The following NDC1 variants were observed in gnomAD, a reference collection of about 807,000 sequenced individuals.
The protein encoded by NDC1 is NDC1 transmembrane nucleoporin.
NDC1 carries 24 observed loss-of-function variants against 89.8 expected under a neutral mutation model. The observed-to-expected ratio is 0.27, with a 90% CI of 0.19 to 0.38. The LOEUF (loss-of-function observed/expected upper bound fraction) is 0.38. NDC1 is among the 10% of genes least tolerant of loss of function. The pLI, the probability that NDC1 is intolerant of heterozygous loss-of-function variation, is 1.00. For missense variants in NDC1, 728 were observed against 797.6 expected, an observed-to-expected ratio of 0.91 and a Z score of 1.05; for synonymous variants, 296 against 284.8, an observed-to-expected ratio of 1.04 and a Z score of -0.39.
intron 4 of NDC1, 36 bp from the exon 5 acceptor site, chr1:53,825,972 C>G: frequency 2.5e-6 from 4 of 1,604,126 alleles, no homozygotes; most frequent in Non-Finnish European, 2.6e-6. Flanking sequence ...ATTCAACAGT[C>G]AGGGACATGT....
At chr1:53,809,532 T>C (rs1648231900) in intron 7 of NDC1, among the ~76,000 whole-genome samples, 163 bp downstream of exon 7, 1 of 152,138 alleles carries the variant, frequency 6.6e-6, no homozygotes, top group Non-Finnish European at 1.5e-5. Context: ...TACCCTTTTA[T>C]ACACCTTTGG....
At chr1:53,799,004 C>T (rs1435572799) in intron 11 of NDC1, among the ~76,000 whole-genome samples, 4 of 152,118 alleles carry the variant, frequency 2.6e-5, no homozygotes, top group African/African-American at 9.7e-5. Context: ...CAAAAACTTA[C>T]AATAATGAAT....
Position 53,807,662 on chromosome 1 carries a change from G to A in NDC1, c.885C>T (p.Ala295=). The change falls in exon 8 of 18, where the codon GCC becomes GCT. Residue 295 remains alanine (A), a synonymous_variant. Coordinates refer to ENST00000371429, the MANE Select transcript of NDC1 (RefSeq NM_018087.5). ...AATATTTTAAAAAACATACCTCTGT[G>A]GCATAGATTTTGAAGAGTATCCATG... is the stretch of plus-strand genomic sequence containing the variant. The part of the protein sequence containing the change: ...YVSWILFKIY[A]TEAHVFPVQP... 7 of 1,603,570 alleles carry A rather than the reference G, an allele frequency of 4.4e-6. No individual in the cohort carries two copies. Among genetic ancestry groups the A allele is most frequent in the Middle Eastern group, 1.7e-4 (1 of 6,024 alleles).
chr1:53,770,801 A>T (rs977602157), intron 17 of NDC1, among the ~76,000 whole-genome samples: 3 of 151,290 alleles, frequency 2.0e-5, no homozygotes, highest in African/African-American at 7.3e-5. Flanking sequence ...ATTTCAGGTG[A>T]GCACCACCAC....
intron 16 of NDC1, among the ~76,000 whole-genome samples, chr1:53,777,988 C>T (rs931236995): frequency 2.0e-5 from 3 of 151,978 alleles, no homozygotes; most frequent in Admixed American, 6.6e-5. Flanking sequence ...TGTGTGCCAC[C>T]GCGCCCGGAG....
chr1:53,835,176 C>T (rs1428513320), intron 2 of NDC1, among the ~76,000 whole-genome samples: 1 of 152,114 alleles, frequency 6.6e-6, no homozygotes. Context: ...ATGACAGGAA[C>T]CATTCTGTAT....
chr1:53,818,596 A>G (rs1648556644), intron 6 of NDC1, among the ~76,000 whole-genome samples: 2 of 152,312 alleles, frequency 1.3e-5, no homozygotes, highest in African/African-American at 4.8e-5. Flanking sequence ...CTCCAGGCTG[A>G]CAACCACCAT....
intron 10 of NDC1, among the ~76,000 whole-genome samples, chr1:53,802,602 C>T (rs529265283): frequency 6.6e-6 from 1 of 152,240 alleles, no homozygotes; most frequent in South Asian, 2.1e-4. Context: ...TCATATGAGC[C>T]CAGCAGTTCG....
At chr1:53,821,299 T>C (rs1648661933) in intron 5 of NDC1, among the ~76,000 whole-genome samples, 1 of 151,824 alleles carries the variant, frequency 6.6e-6, no homozygotes, top group East Asian at 2.0e-4. Context: ...ATATGTAAGA[T>C]AAGGCACGGT....
intron 13 of NDC1, among the ~76,000 whole-genome samples, chr1:53,796,059 T>A (rs1647686363): frequency 6.6e-6 from 1 of 152,134 alleles, no homozygotes; most frequent in Admixed American, 6.6e-5. Flanking sequence ...TGCTCCCAGC[T>A]CTCCCTTCAG....
chr1:53,808,392 A>G (rs1021231024), intron 7 of NDC1, among the ~76,000 whole-genome samples: 9 of 151,702 alleles, frequency 5.9e-5, no homozygotes, highest in Non-Finnish European at 1.2e-4. Flanking sequence ...GCCATTTCTA[A>G]GTGTTGTGAT....
rs1557574755 is a variant in NDC1 at position 53,796,746 on chromosome 1, A to G, written c.1527T>C (p.Gly509=). ...PSPSTSISAE[G]KTMRQPSVIY... is the part of the protein sequence containing the mutation. ...TCACACTGGGTTGTCTCATTGTCTTACCCTCAGCACTAATAGAGGTAGATG... is the reference window on the plus strand; with the variant it reads ...TCACACTGGGTTGTCTCATTGTCTTGCCCTCAGCACTAATAGAGGTAGATG... The change falls in exon 13 of 18, where the codon GGT becomes GGC. Residue 509 remains glycine, a synonymous_variant. Transcript: ENST00000371429. The G allele has an allele frequency of 6.2e-7, 1 of 1,612,016 alleles. No individual in the cohort carries two copies. Among genetic ancestry groups the G allele is most frequent in the Non-Finnish European group, 8.5e-7 (1 of 1,179,436 alleles).
Position 53,816,647 on chromosome 1 carries a change from A to AAC in NDC1, c.703+2323_703+2324insGT, listed in dbSNP as rs1553149893. Among the ~76,000 whole-genome samples the AAC allele has an allele frequency of 8.7e-3, 1,291 of 148,804 alleles. 9 individuals carry two copies. The highest frequency in any genetic ancestry group is 0.027 in the African/African-American group (1,097 of 40,346). On this transcript the variant is annotated intron_variant, in intron 6 of 17. Coordinates refer to ENST00000371429, the MANE Select transcript of NDC1 (RefSeq NM_018087.5). ...CTTTTGCATGGGGAAACAAAAAACA[A>AAC]AAAAAAAAAAAACAGCAAAGTAAGC... is the stretch of plus-strand genomic sequence containing the variant.
chr1:53,832,240 A>G (rs981259354), intron 3 of NDC1, among the ~76,000 whole-genome samples: 4 of 152,042 alleles, frequency 2.6e-5, no homozygotes, highest in African/African-American at 7.2e-5. Flanking sequence ...TTCTTTCTCT[A>G]TGAATTTGAG....
chr1:53,815,791 TC>T (rs1185299471), intron 6 of NDC1, among the ~76,000 whole-genome samples: 1 of 152,134 alleles, frequency 6.6e-6, no homozygotes, highest in East Asian at 1.9e-4. Context: ...AATCAGTAGC[TC>T]TTCTATACAC....
At chr1:53,777,090 C>G (rs1055172006) in intron 16 of NDC1, among the ~76,000 whole-genome samples, 2 of 151,708 alleles carry the variant, frequency 1.3e-5, no homozygotes, top group African/African-American at 4.8e-5. Flanking sequence ...TGCAGTAGGG[C>G]AAGCATACCT....
In NDC1 at chr1:53,777,626, C is replaced by T. The variant is rs542906419; in HGVS notation, c.1801-5137G>A. Among the ~76,000 whole-genome samples the T allele has an allele frequency of 2.6e-5, 4 of 152,264 alleles. No homozygotes were observed. In the South Asian group the frequency reaches 8.3e-4, roughly 32 times the overall value. On this transcript the variant is annotated intron_variant, in intron 16 of 17. Coordinates refer to ENST00000371429, the MANE Select transcript of NDC1 (RefSeq NM_018087.5). ...GACCTCAGCAAGTAAGAGTATCAAG[C>T]TAGAATTTAAAATCATTGACTTTTC...
At chr1:53,791,522 C>T (rs528540861) in intron 14 of NDC1, among the ~76,000 whole-genome samples, 3 of 152,092 alleles carry the variant, frequency 2.0e-5, no homozygotes, top group East Asian at 3.9e-4. Context: ...CCTTCTTTAA[C>T]GTACCACCAT....
At chr1:53,789,008 G>C in intron 15 of NDC1, 125 bp downstream of exon 15, 1 of 643,752 alleles carries the variant, frequency 1.6e-6, no homozygotes, top group Non-Finnish European at 2.7e-6. Flanking sequence ...ATAAAACAAA[G>C]ATATAAAAAC....
Sources: gnomAD v4.1 joint callset for allele counts (sites outside exome capture counted in the v4.1 genomes callset) on GRCh38, gnomAD v4.1.1 for gene constraint, MANE v1.5 for transcripts, NCBI Gene and HGNC (gene_info 2026-07-23, HGNC 2026-07-21) for gene names.